Variants in BIRC6 observed in about 807,000 individuals in gnomAD.
BIRC6 encodes dual E2 ubiquitin-conjugating enzyme/E3 ubiquitin-protein ligase BIRC6.
BIRC6 carries 98 observed loss-of-function variants against 503.3 expected under a neutral mutation model. That is an observed-to-expected ratio of 0.19 (90% CI 0.17 to 0.23). The LOEUF (loss-of-function observed/expected upper bound fraction) is 0.23. Among genes scored for constraint, BIRC6 ranks in the 10% least tolerant of loss-of-function variants. The probability of loss-of-function intolerance (pLI) is 1.00; values close to 1 mark genes in which losing one functional copy is unlikely to be tolerated. For synonymous variants in BIRC6, 2,240 were observed against 2,078.7 expected (o/e 1.08, Z -2.11); for missense variants, 5,360 against 5,806.0 (o/e 0.92, Z 2.50).
intron 23 of BIRC6, among the ~76,000 whole-genome samples, chr2:32,457,160 A>C (rs1366924186): frequency 2.6e-5 from 4 of 152,154 alleles, no homozygotes; most frequent in Non-Finnish European, 5.9e-5. Context: ...TTTGTATGGT[A>C]TATATTTTTC....
At chr2:32,579,947 C>T (rs1169407164) in intron 66 of BIRC6, among the ~76,000 whole-genome samples, 1 of 150,452 alleles carries the variant, frequency 6.6e-6, no homozygotes, top group Non-Finnish European at 1.5e-5. Context: ...GAAATAATAA[C>T]CAGGCAGGTT....
At chr2:32,506,314 A>G (rs894979303) in intron 50 of BIRC6, among the ~76,000 whole-genome samples, 4 of 152,240 alleles carry the variant, frequency 2.6e-5, no homozygotes, top group Non-Finnish European at 2.9e-5. Context: ...GATTCCTGGC[A>G]TCTTTGGAGA....
chr2:32,525,546 A>T lies in BIRC6; in HGVS notation c.11838A>T (p.Lys3946Asn). Reference protein sequence around the residue: ...PSRRGRTIPDKIGSTSGAEAA... With the variant: ...PSRRGRTIPDNIGSTSGAEAA... ...GGAGGGGGAGGACAATACCTGATAAAATAGGAAGTACTTCAGGAGCAGAGG... is the reference window on the plus strand; with the variant it reads ...GGAGGGGGAGGACAATACCTGATAATATAGGAAGTACTTCAGGAGCAGAGG... The change falls in exon 59 of 74, where the codon AAA becomes AAT. Residue 3946 changes from lysine (K) to asparagine (N), a missense_variant. Physicochemically the swap from Lys to Asn is moderately conservative, Grantham distance 94 (BLOSUM62 0). Coordinates refer to ENST00000421745, the MANE Select transcript of BIRC6 (RefSeq NM_016252.4). 1 of 1,613,982 alleles carries T rather than the reference A, an allele frequency of 6.2e-7. No homozygotes were observed. The highest frequency in any genetic ancestry group is 8.5e-7 in the Non-Finnish European group (1 of 1,179,866).
At chr2:32,447,581 C>T (rs1329912294) in intron 21 of BIRC6, among the ~76,000 whole-genome samples, 14 of 101,790 alleles carry the variant, frequency 1.4e-4, no homozygotes, top group South Asian at 3.5e-4. Context: ...ACCTCCCGGA[C>T]GGGGCGGCTG....
intron 70 of BIRC6, 22 bp downstream of exon 70, chr2:32,599,922 G>A (rs2061935596): frequency 6.2e-7 from 1 of 1,601,426 alleles, no homozygotes; most frequent in South Asian, 1.1e-5. Flanking sequence ...GCAATTTTTT[G>A]TTTCAAATGC....
chr2:32,377,213 ATGTG>A (rs59912267), intron 1 of BIRC6, among the ~76,000 whole-genome samples: 3,428 of 144,204 alleles, frequency 0.024, 71 homozygotes, highest in African/African-American at 0.05. Context: ...CTTAATATAT[ATGTG>A]TGTGTGTGTG....
At chr2:32,373,788 C>A (rs2036316027) in intron 1 of BIRC6, among the ~76,000 whole-genome samples, 2 of 152,156 alleles carry the variant, frequency 1.3e-5, no homozygotes, top group Admixed American at 1.3e-4. Context: ...TATTTGTACA[C>A]CAGTGTTCAT....
At chr2:32,485,805 C>T (rs2050920797) in intron 40 of BIRC6, 46 bp downstream of exon 40, 1 of 1,248,264 alleles carries the variant, frequency 8.0e-7, no homozygotes, top group East Asian at 2.4e-5. Context: ...AATGATTCAG[C>T]TCTTCATCAT....
At chr2:32,404,018 C>G (rs1185692991) in intron 8 of BIRC6, among the ~76,000 whole-genome samples, 1 of 151,374 alleles carries the variant, frequency 6.6e-6, no homozygotes, top group Admixed American at 6.6e-5. Context: ...ACCTCTGCCT[C>G]CCAGGTTCAA....
In BIRC6 at chr2:32,584,403, A is replaced by G. The variant is rs1235997567; in HGVS notation, c.13355+9037A>G. ...AAATTAGCTGCGTGTGGTGGCGCAC[A>G]GTGGGTGTAATCCCAGCTGCTTGGG... On this transcript the variant is annotated intron_variant, in intron 66 of 73. Transcript: ENST00000421745. 3.9e-5 allele frequency among the ~76,000 whole-genome samples: 6 copies of G among 152,002 alleles called. No homozygotes were observed. The East Asian group carries it at 9.7e-4, about 25-fold the overall frequency.
At chr2:32,501,975 A>T in intron 47 of BIRC6, 87 bp downstream of exon 47, 2 of 1,199,130 alleles carry the variant, frequency 1.7e-6, no homozygotes, top group Admixed American at 4.7e-5. Flanking sequence ...ATAAATAAGT[A>T]TATTTATTAT....
intron 71 of BIRC6, among the ~76,000 whole-genome samples, chr2:32,606,107 C>T (rs1428497753): frequency 2.0e-5 from 3 of 152,144 alleles, no homozygotes; most frequent in Non-Finnish European, 2.9e-5. Context: ...TTATGAATTG[C>T]GTAGATAATA....
intron 70 of BIRC6, among the ~76,000 whole-genome samples, chr2:32,600,754 C>A (rs184937012): frequency 3.2e-4 from 49 of 152,256 alleles, no homozygotes; most frequent in Admixed American, 1.3e-3. Flanking sequence ...ATCATACTTA[C>A]CGATGTGTTC....
At chr2:32,418,054 A>G (rs2042570945) in intron 10 of BIRC6, among the ~76,000 whole-genome samples, 1 of 152,246 alleles carries the variant, frequency 6.6e-6, no homozygotes, top group East Asian at 1.9e-4. Context: ...TGTTGGGATT[A>G]TAGGCATGAT....
At chr2:32,595,167 C>A in intron 68 of BIRC6, 23 bp downstream of exon 68, 1 of 1,433,798 alleles carries the variant, frequency 7.0e-7, no homozygotes, top group Non-Finnish European at 9.6e-7. Flanking sequence ...TTTTGATTTG[C>A]TTAAGATCTC....
At chr2:32,377,445 C>T in intron 1 of BIRC6, 143 bp from the exon 2 acceptor site, 3 of 519,812 alleles carry the variant, frequency 5.8e-6, no homozygotes. Flanking sequence ...CCAGTTGGCC[C>T]AATAATGTTC....
At chr2:32,424,577 C>G (rs1051334209) in intron 10 of BIRC6, among the ~76,000 whole-genome samples, 2 of 151,370 alleles carry the variant, frequency 1.3e-5, no homozygotes, top group African/African-American at 2.4e-5. Flanking sequence ...TGCACTGACG[C>G]GATCTCGGCT....
At chr2:32,445,195 C>G (rs1028870712) in intron 20 of BIRC6, among the ~76,000 whole-genome samples, 3 of 152,132 alleles carry the variant, frequency 2.0e-5, no homozygotes, top group African/African-American at 7.2e-5. Context: ...TCAGCTATTT[C>G]GAAGTGTCCC....
chr2:32,449,037 A>G, intron 22 of BIRC6, 109 bp downstream of exon 22: 1 of 1,032,126 alleles, frequency 9.7e-7, no homozygotes, highest in Non-Finnish European at 1.4e-6. Context: ...GAAAACTAAA[A>G]TTCCTTAGAA....
Sources: allele counts gnomAD v4.1 joint callset (sites outside exome capture counted in the v4.1 genomes callset), GRCh38; gene constraint gnomAD v4.1.1; transcripts MANE v1.5; gene names NCBI Gene and HGNC (gene_info 2026-07-23, HGNC 2026-07-21).